Variants in LRRC4C observed in about 807,000 individuals in gnomAD.
LRRC4C encodes leucine rich repeat containing 4C.
Under a neutral mutation model 33.6 loss-of-function variants are expected in LRRC4C, and 5 were observed. That is an observed-to-expected ratio of 0.15 (90% CI 0.08 to 0.31). LRRC4C has a LOEUF of 0.31. Among genes scored for constraint, LRRC4C ranks in the 10% least tolerant of loss-of-function variants. The pLI is 1.00. For synonymous variants in LRRC4C, 329 were observed against 302.0 expected (o/e 1.09, Z -0.93); for missense variants, 560 against 796.7 (o/e 0.70, Z 3.58).
chr11:41,338,127 G>A (rs1216462565), intron 1 of LRRC4C, among the ~76,000 whole-genome samples: 2 of 152,190 alleles, frequency 1.3e-5, no homozygotes, highest in African/African-American at 4.8e-5. Flanking sequence ...TGGAGACAGT[G>A]TGTTGATTCC....
intron 1 of LRRC4C, among the ~76,000 whole-genome samples, chr11:41,336,506 A>C (rs1379320734): frequency 6.6e-6 from 1 of 152,164 alleles, no homozygotes; most frequent in Admixed American, 6.6e-5. Flanking sequence ...GAAAGAAGCA[A>C]ACTAGTTTTA....
intron 1 of LRRC4C, chr11:41,222,738 C>T (rs1947360242): frequency 6.6e-6 from 1 of 151,084 alleles, no homozygotes; most frequent in African/African-American, 2.4e-5. Flanking sequence ...GGAGCCTCTC[C>T]CATGACAGAC....
intron 1 of LRRC4C, among the ~76,000 whole-genome samples, chr11:41,280,735 A>G (rs1949636807): frequency 6.6e-6 from 1 of 152,184 alleles, no homozygotes; most frequent in Admixed American, 6.5e-5. Context: ...TAGTACCACA[A>G]TAAATCTTGA....
intron 2 of LRRC4C, among the ~76,000 whole-genome samples, chr11:40,884,046 T>C (rs1955314229): frequency 6.6e-6 from 1 of 152,028 alleles, no homozygotes. Flanking sequence ...TTATTTGTCC[T>C]AATGCTCTCC....
chr11:41,307,045 C>T (rs1950524166), intron 1 of LRRC4C, among the ~76,000 whole-genome samples: 1 of 152,134 alleles, frequency 6.6e-6, no homozygotes, highest in African/African-American at 2.4e-5. Context: ...ATGTAATTCT[C>T]TCACAATATG....
At chr11:41,345,512 G>A (rs914338360) in intron 1 of LRRC4C, among the ~76,000 whole-genome samples, 1 of 152,006 alleles carries the variant, frequency 6.6e-6, no homozygotes, top group Admixed American at 6.6e-5. Context: ...TATTAGGCTG[G>A]GCTACAACAA....
intron 1 of LRRC4C, among the ~76,000 whole-genome samples, chr11:41,105,711 G>A (rs887433916): frequency 3.3e-5 from 5 of 152,022 alleles, no homozygotes; most frequent in African/African-American, 1.2e-4. Flanking sequence ...CTACAACTTC[G>A]ATGTACAATT....
At chr11:40,264,087 A>G (rs1272602334) in intron 4 of LRRC4C, among the ~76,000 whole-genome samples, 1 of 152,164 alleles carries the variant, frequency 6.6e-6, no homozygotes, top group Admixed American at 6.5e-5. Flanking sequence ...GTCCTATTTA[A>G]TAACTATGTA....
At chr11:40,752,812 C>T (rs181763257) in intron 2 of LRRC4C, among the ~76,000 whole-genome samples, 9 of 152,154 alleles carry the variant, frequency 5.9e-5, no homozygotes, top group African/African-American at 1.9e-4. Flanking sequence ...TAAAGAATAC[C>T]TGCACTTGCA....
intron 1 of LRRC4C, among the ~76,000 whole-genome samples, chr11:40,970,768 T>A (rs568688724): frequency 6.6e-6 from 1 of 152,276 alleles, no homozygotes; most frequent in East Asian, 1.9e-4. Context: ...AAGTCTAGGC[T>A]GAGGTGGACC....
intron 1 of LRRC4C, among the ~76,000 whole-genome samples, chr11:41,253,796 A>G (rs1303579139): frequency 6.6e-6 from 1 of 152,114 alleles, no homozygotes; most frequent in African/African-American, 2.4e-5. Flanking sequence ...GTTTTAGATA[A>G]CATAGAACTC....
At position 40,267,641 on chromosome 11, in the gene LRRC4C, G is replaced by T. The variant is rs962055125; in HGVS notation, c.-175-26043C>A. Among the ~76,000 whole-genome samples the T allele has an allele frequency of 2.6e-5, 4 of 152,206 alleles. No individual in the cohort carries two copies. In the South Asian group the frequency reaches 8.3e-4, roughly 32 times the overall value. Reference sequence around the variant, plus strand: ...GCTGGGATTACAGACGTGAGCCACCGCGCCTGGCCCTGTATGAAGTATGTT... The same window carrying T: ...GCTGGGATTACAGACGTGAGCCACCTCGCCTGGCCCTGTATGAAGTATGTT... On this transcript the variant is annotated intron_variant, in intron 4 of 6. Transcript: ENST00000528697.
intron 4 of LRRC4C, among the ~76,000 whole-genome samples, chr11:40,312,176 G>A (rs949799007): frequency 3.9e-5 from 6 of 152,062 alleles, no homozygotes; most frequent in African/African-American, 1.2e-4. Context: ...CTTCTGAGTT[G>A]CGTGAAACTC....
At chr11:41,330,782 T>A (rs117465931) in intron 1 of LRRC4C, among the ~76,000 whole-genome samples, 1 of 151,898 alleles carries the variant, frequency 6.6e-6, no homozygotes, top group Admixed American at 6.6e-5. Flanking sequence ...AAATACATAT[T>A]AATATATACT....
chr11:40,876,715 C>T (rs1182164221), intron 2 of LRRC4C, among the ~76,000 whole-genome samples: 3 of 151,674 alleles, frequency 2.0e-5, no homozygotes, highest in Admixed American at 1.3e-4. Context: ...CCTTACTGGC[C>T]AACTTGGTGA....
At chr11:40,253,288 C>T (rs115993731) in intron 4 of LRRC4C, among the ~76,000 whole-genome samples, 11 of 152,260 alleles carry the variant, frequency 7.2e-5, no homozygotes, top group East Asian at 3.9e-4. Flanking sequence ...TTTTCAAAAA[C>T]GTAGCACATG....
chr11:40,241,185 T>C (rs190006067), intron 5 of LRRC4C, among the ~76,000 whole-genome samples: 1 of 151,798 alleles, frequency 6.6e-6, no homozygotes, highest in Admixed American at 6.6e-5. Flanking sequence ...GAGGCAGGAG[T>C]GCCTGCAAAA....
At chr11:40,142,382 T>C (rs1036036395) in intron 5 of LRRC4C, among the ~76,000 whole-genome samples, 1 of 150,384 alleles carries the variant, frequency 6.6e-6, no homozygotes, top group African/African-American at 2.5e-5. Flanking sequence ...ATATATGAAA[T>C]ATGAATCGGA....
intron 3 of LRRC4C, among the ~76,000 whole-genome samples, chr11:40,525,470 T>A (rs544503211): frequency 1.8e-4 from 27 of 151,638 alleles, no homozygotes; most frequent in African/African-American, 6.5e-4. Flanking sequence ...TGGCAGGGGG[T>A]GGCTGGAGGG....
Sources: allele counts gnomAD v4.1 joint callset (sites outside exome capture counted in the v4.1 genomes callset), GRCh38; gene constraint gnomAD v4.1.1; transcripts MANE v1.5; gene names NCBI Gene and HGNC (gene_info 2026-07-23, HGNC 2026-07-21).